Variants in SV2C observed in about 807,000 individuals in gnomAD.
SV2C encodes the protein synaptic vesicle glycoprotein 2C.
A neutral mutation model predicts 79.7 loss-of-function variants in SV2C; 49 were observed. That is an observed-to-expected ratio of 0.61 (90% CI 0.49 to 0.78). The LOEUF is 0.78. SV2C is among the 30% of genes least tolerant of loss of function. The probability of loss-of-function intolerance (pLI) is 0.00; values close to 1 mark genes in which losing one functional copy is unlikely to be tolerated. For synonymous variants in SV2C, 334 were observed against 333.2 expected (o/e 1.00, Z -0.03); for missense variants, 833 against 912.9 (o/e 0.91, Z 1.13).
At chr5:76,258,110 G>A (rs1746348137) in intron 4 of SV2C, among the ~76,000 whole-genome samples, 1 of 145,778 alleles carries the variant, frequency 6.9e-6, no homozygotes, top group Non-Finnish European at 1.5e-5. Flanking sequence ...AGTGTGTGGG[G>A]GTGTGGTGTA....
At chr5:75,950,345 C>T in the SV2C span, among the ~76,000 whole-genome samples, 1 of 152,098 alleles carries the variant, frequency 6.6e-6, no homozygotes, top group South Asian at 2.1e-4. Context: ...TACCAATACA[C>T]AATATTCTAT....
the SV2C span, among the ~76,000 whole-genome samples, chr5:76,021,850 A>C: frequency 6.6e-6 from 1 of 152,130 alleles, no homozygotes; most frequent in East Asian, 1.9e-4. Context: ...TCACTATGGA[A>C]GCTTTTAACT....
At chr5:76,129,690 A>G (rs1460106938) in intron 1 of SV2C, among the ~76,000 whole-genome samples, 2 of 152,164 alleles carry the variant, frequency 1.3e-5, no homozygotes, top group Non-Finnish European at 2.9e-5. Context: ...CTGAGGACAA[A>G]AGCAAAAAAG....
chr5:76,019,418 G>A, the SV2C span, among the ~76,000 whole-genome samples: 1 of 152,156 alleles, frequency 6.6e-6, no homozygotes, highest in Admixed American at 6.5e-5. Context: ...AGGAGTAAAA[G>A]AAAGACCGAT....
chr5:76,041,217 C>T, the SV2C span, among the ~76,000 whole-genome samples: 1 of 152,282 alleles, frequency 6.6e-6, no homozygotes, highest in South Asian at 2.1e-4. Context: ...TAAAATACCT[C>T]CTATCCTTCT....
At chr5:76,189,017 A>G (rs1744013949) in intron 2 of SV2C, among the ~76,000 whole-genome samples, 1 of 151,976 alleles carries the variant, frequency 6.6e-6, no homozygotes, top group Non-Finnish European at 1.5e-5. Context: ...TCCCACCCCC[A>G]TGCACACAGA....
chr5:76,250,110 A>G (rs946828299), intron 4 of SV2C, among the ~76,000 whole-genome samples: 13 of 152,076 alleles, frequency 8.5e-5, no homozygotes, highest in African/African-American at 3.1e-4. Flanking sequence ...TTCGAGGGTT[A>G]CTGCCTTGGT....
At chr5:76,097,263 A>G (rs1747597687) in intron 1 of SV2C, among the ~76,000 whole-genome samples, 1 of 152,248 alleles carries the variant, frequency 6.6e-6, no homozygotes, top group South Asian at 2.1e-4. Flanking sequence ...TAAACACAGT[A>G]TCTTTTGCAC....
chr5:76,029,375 C>T, the SV2C span, among the ~76,000 whole-genome samples: 17 of 152,298 alleles, frequency 1.1e-4, no homozygotes, highest in African/African-American at 3.8e-4. Context: ...ATCTCCCCAA[C>T]CCCCTAACCT....
chr5:76,037,857 G>A, the SV2C span, among the ~76,000 whole-genome samples: 1 of 152,216 alleles, frequency 6.6e-6, no homozygotes. Flanking sequence ...TTGCCGCCTT[G>A]CAGTTTGATC....
intron 12 of SV2C, among the ~76,000 whole-genome samples, chr5:76,345,159 G>A (rs1220740593): frequency 6.6e-6 from 1 of 152,228 alleles, no homozygotes; most frequent in Non-Finnish European, 1.5e-5. Flanking sequence ...ATTCATTGAA[G>A]GGTAAGCAAG....
At chr5:76,102,833 G>C (rs1190272347) in intron 1 of SV2C, among the ~76,000 whole-genome samples, 3 of 152,158 alleles carry the variant, frequency 2.0e-5, no homozygotes, top group Non-Finnish European at 2.9e-5. Context: ...ACATGCCCCT[G>C]ACTTTAGTAG....
chr5:76,258,107 G>A (rs1181937295), intron 4 of SV2C, among the ~76,000 whole-genome samples: 1 of 148,042 alleles, frequency 6.8e-6, no homozygotes, highest in Non-Finnish European at 1.5e-5. Flanking sequence ...TGAAGTGTGT[G>A]GGGGTGTGGT....
At chr5:76,128,065 T>C (rs985828998) in intron 1 of SV2C, among the ~76,000 whole-genome samples, 2 of 152,218 alleles carry the variant, frequency 1.3e-5, no homozygotes, top group African/African-American at 2.4e-5. Context: ...ACAACTCATT[T>C]AATTCTCACA....
chr5:76,227,476 C>A (rs952500064), intron 4 of SV2C, among the ~76,000 whole-genome samples: 2 of 152,214 alleles, frequency 1.3e-5, no homozygotes, highest in African/African-American at 4.8e-5. Flanking sequence ...ACCACCCTCT[C>A]CTTGTGCCTG....
At chr5:76,284,800 G>T (rs1393372911) in intron 4 of SV2C, among the ~76,000 whole-genome samples, 1 of 152,206 alleles carries the variant, frequency 6.6e-6, no homozygotes, top group Non-Finnish European at 1.5e-5. Context: ...CCATTCCCTA[G>T]CACACAGCAG....
intron 4 of SV2C, among the ~76,000 whole-genome samples, chr5:76,249,409 A>T (rs1295711405): frequency 6.6e-6 from 1 of 152,212 alleles, no homozygotes; most frequent in Non-Finnish European, 1.5e-5. Context: ...CACAAAGTTT[A>T]AAAAAAGACC....
chr5:76,172,051 C>T (rs1473663216), intron 2 of SV2C, among the ~76,000 whole-genome samples: 85 of 90,724 alleles, frequency 9.4e-4, no homozygotes, highest in African/African-American at 3.3e-3. Context: ...TCTGCCCAGC[C>T]GCCCCTACTG....
chr5:76,318,142 A>G (rs1323346466), intron 12 of SV2C, among the ~76,000 whole-genome samples: 15 of 152,184 alleles, frequency 9.9e-5, no homozygotes, highest in Non-Finnish European at 4.4e-5. Context: ...AAAATGGGTC[A>G]GATGCAGTGG....
Sources: allele counts gnomAD v4.1 joint callset (sites outside exome capture counted in the v4.1 genomes callset), GRCh38; gene constraint gnomAD v4.1.1; transcripts MANE v1.5; gene names NCBI Gene and HGNC (gene_info 2026-07-23, HGNC 2026-07-21).